The following MAP3K5 variants were observed in gnomAD, a reference collection of about 807,000 sequenced individuals.
The protein encoded by MAP3K5 is ASK-1.
In MAP3K5, 56 loss-of-function variants were observed where a neutral mutation model predicts 158.7. The observed-to-expected ratio is 0.35, with a 90% CI of 0.28 to 0.44. The LOEUF (loss-of-function observed/expected upper bound fraction) is 0.44. Among genes scored for constraint, MAP3K5 ranks in the 20% least tolerant of loss-of-function variants. The pLI is 1.00. For synonymous variants in MAP3K5, 579 were observed against 601.7 expected, an observed-to-expected ratio of 0.96 and a Z score of 0.55; for missense variants, 1,294 against 1,674.8, an observed-to-expected ratio of 0.77 and a Z score of 3.97.
At chr6:136,625,706 G>C (rs1447568878) in intron 14 of MAP3K5, among the ~76,000 whole-genome samples, 1 of 152,188 alleles carries the variant, frequency 6.6e-6, no homozygotes, top group Non-Finnish European at 1.5e-5. Flanking sequence ...CTTGAAGTTT[G>C]CTATGCAGAA....
intron 15 of MAP3K5, among the ~76,000 whole-genome samples, chr6:136,617,526 C>T (rs1333247381): frequency 2.0e-5 from 3 of 152,198 alleles, no homozygotes; most frequent in African/African-American, 4.8e-5. Context: ...TCCTAGAGGG[C>T]TTCTAATTGT....
chr6:136,606,104 G>A (rs1160528766), intron 18 of MAP3K5, among the ~76,000 whole-genome samples: 1 of 152,202 alleles, frequency 6.6e-6, no homozygotes, highest in African/African-American at 2.4e-5. Context: ...TGTAATCCCA[G>A]CACTTTGGGA....
At chr6:136,738,832 C>T (rs1782587322) in intron 1 of MAP3K5, among the ~76,000 whole-genome samples, 1 of 151,978 alleles carries the variant, frequency 6.6e-6, no homozygotes. Flanking sequence ...AAGCAGGGAC[C>T]GGTTCAGTCA....
chr6:136,774,393 T>C lies in MAP3K5; in HGVS notation c.448+17317A>G, dbSNP rs536731499. On this transcript the variant is annotated intron_variant, in intron 1 of 29. Transcript: ENST00000359015. Reference sequence around the variant, plus strand: ...CGCCTGAGCCCAAGGAGGTTACGGCTGCAGTGAGCTGTGATCGCACCACTG... The same window carrying C: ...CGCCTGAGCCCAAGGAGGTTACGGCCGCAGTGAGCTGTGATCGCACCACTG... Among the ~76,000 whole-genome samples, 14 of 152,306 alleles carry C rather than the reference T, an allele frequency of 9.2e-5. 1 individual carries two copies. The highest frequency in any genetic ancestry group is 3.4e-4 in the African/African-American group (14 of 41,564).
At chr6:136,667,472 C>T (rs547570010) in intron 8 of MAP3K5, among the ~76,000 whole-genome samples, 10 of 152,134 alleles carry the variant, frequency 6.6e-5, no homozygotes, top group Admixed American at 2.6e-4. Flanking sequence ...GCAATCCTAG[C>T]ACCTTGGGAG....
intron 1 of MAP3K5, among the ~76,000 whole-genome samples, chr6:136,785,482 G>C (rs1410505674): frequency 6.6e-6 from 1 of 152,202 alleles, no homozygotes; most frequent in Non-Finnish European, 1.5e-5. Flanking sequence ...CGGATGTGAA[G>C]GCTGGTGGTA....
chr6:136,679,135 G>T (rs1329195886), intron 7 of MAP3K5, among the ~76,000 whole-genome samples: 2 of 152,218 alleles, frequency 1.3e-5, no homozygotes, highest in Non-Finnish European at 2.9e-5. Flanking sequence ...ATTGCCTTAT[G>T]ATTAGTACTG....
chr6:136,779,440 C>CT (rs1429524559), intron 1 of MAP3K5, among the ~76,000 whole-genome samples: 47 of 71,648 alleles, frequency 6.6e-4, no homozygotes, highest in African/African-American at 2.9e-3. Context: ...GACACCCTGT[C>CT]TCAAAAAAAA....
chr6:136,651,356 A>G (rs184418668), intron 10 of MAP3K5, among the ~76,000 whole-genome samples: 2 of 152,322 alleles, frequency 1.3e-5, no homozygotes, highest in African/African-American at 4.8e-5. Flanking sequence ...AAGTCCATAC[A>G]TGGGTTCAGC....
intron 1 of MAP3K5, among the ~76,000 whole-genome samples, chr6:136,755,203 CT>C (rs1339531450): frequency 6.6e-6 from 1 of 152,144 alleles, no homozygotes; most frequent in African/African-American, 2.4e-5. Flanking sequence ...CTCTAATGCC[CT>C]GCTTAGCTGT....
intron 1 of MAP3K5, among the ~76,000 whole-genome samples, chr6:136,735,763 A>C (rs921751095): frequency 6.6e-6 from 1 of 152,154 alleles, no homozygotes; most frequent in Admixed American, 6.6e-5. Context: ...CGGGAGTTCA[A>C]GGTTACAGTG....
rs1394303423 is a variant in MAP3K5 at position 136,614,237 on chromosome 6, G to A, written c.2200C>T (p.His734Tyr). The change falls in exon 16 of 30, where the codon CAC (histidine) becomes TAC (tyrosine). Residue 734 changes from histidine to tyrosine, a missense_variant. By Grantham distance (83) the His-to-Tyr change is moderately conservative. This residue lies in a region of MAP3K5 where 41 missense variants were observed against 98.2 expected (regional missense o/e 0.42). Transcript: ENST00000359015. ...CCCAGATACTGGACAATATTTTTGTGCTTCAGGTGTTTATGCAATGCTATT... is the reference window on the plus strand; with the variant it reads ...CCCAGATACTGGACAATATTTTTGTACTTCAGGTGTTTATGCAATGCTATT... ...EEIALHKHLKHKNIVQYLGSF... is the reference protein window; with the variant it reads ...EEIALHKHLKYKNIVQYLGSF... 1.9e-6 allele frequency: 3 copies of A among 1,613,666 alleles called. No homozygotes were observed. Among genetic ancestry groups the A allele is most frequent in the Non-Finnish European group, 2.5e-6 (3 of 1,179,714 alleles).
At chr6:136,696,825 C>T (rs749339953) in intron 5 of MAP3K5, among the ~76,000 whole-genome samples, 1 of 152,164 alleles carries the variant, frequency 6.6e-6, no homozygotes, top group Non-Finnish European at 1.5e-5. Context: ...CAATTTCAAG[C>T]AATACAATTT....
At chr6:136,707,076 G>C (rs1014181766) in intron 2 of MAP3K5, among the ~76,000 whole-genome samples, 1 of 152,100 alleles carries the variant, frequency 6.6e-6, no homozygotes, top group Admixed American at 6.6e-5. Context: ...GATCACTTGA[G>C]CCTTGAAGAT....
chr6:136,659,424 A>T, intron 8 of MAP3K5, 46 bp from the exon 9 acceptor site: 1 of 1,540,000 alleles, frequency 6.5e-7, no homozygotes, highest in Non-Finnish European at 8.9e-7. Context: ...CACCCCACAC[A>T]GGTAGAACCA....
chr6:136,670,367 C>T (rs2114531126), intron 7 of MAP3K5, among the ~76,000 whole-genome samples: 1 of 151,902 alleles, frequency 6.6e-6, no homozygotes, highest in South Asian at 2.1e-4. Context: ...GCCCTAGTGA[C>T]TAAGAGGAAC....
chr6:136,559,693 T>A (rs1830420226), intron 28 of MAP3K5, among the ~76,000 whole-genome samples: 1 of 152,196 alleles, frequency 6.6e-6, no homozygotes, highest in African/African-American at 2.4e-5. Flanking sequence ...TTTATATTTT[T>A]AAATTTTATT....
At position 136,691,537 on chromosome 6, in the gene MAP3K5, G is replaced by A. The variant is rs576796423; in HGVS notation, c.1253+2603C>T. 7.2e-5 allele frequency among the ~76,000 whole-genome samples: 11 copies of A among 151,848 alleles called. 1 individual carries two copies. Among genetic ancestry groups the A allele is most frequent in the South Asian group, 6.3e-4 (3 of 4,792 alleles). On this transcript the variant is annotated intron_variant, in intron 7 of 29. Transcript: ENST00000359015. ...GAGGCACGAGAATCGCTTGAACCCC[G>A]GAGGCAGAGGTTGCAGTGAGGTGAG...
chr6:136,724,595 C>T (rs891364639), intron 1 of MAP3K5, among the ~76,000 whole-genome samples: 2 of 151,984 alleles, frequency 1.3e-5, no homozygotes, highest in African/African-American at 4.8e-5. Flanking sequence ...ATATTTATTA[C>T]CTCTAAACAT....
Sources: allele counts gnomAD v4.1 joint callset (sites outside exome capture counted in the v4.1 genomes callset), GRCh38; gene constraint gnomAD v4.1.1; regional missense constraint gnomAD v4.1.1; transcripts MANE v1.5; gene names NCBI Gene and HGNC (gene_info 2026-07-23, HGNC 2026-07-21).